Variants in MAP3K5 observed in about 807,000 individuals in gnomAD.
MAP3K5 encodes the protein ASK-1.
MAP3K5 carries 56 observed loss-of-function variants against 158.7 expected under a neutral mutation model. The ratio of observed to expected loss-of-function variants is 0.35; its 90% CI spans 0.28 to 0.44. MAP3K5 has a LOEUF of 0.44. Among genes scored for constraint, MAP3K5 ranks in the 20% least tolerant of loss-of-function variants. The pLI is 1.00. For synonymous variants in MAP3K5, 579 were observed against 601.7 expected (o/e 0.96, Z 0.55); for missense variants, 1,294 against 1,674.8 (o/e 0.77, Z 3.97).
At chr6:136,612,973 T>C in intron 17 of MAP3K5, 147 bp downstream of exon 17, 1 of 740,772 alleles carries the variant, frequency 1.3e-6, no homozygotes, top group Non-Finnish European at 2.1e-6. Flanking sequence ...TGATTCAGGG[T>C]TGAACGATAT....
intron 7 of MAP3K5, among the ~76,000 whole-genome samples, chr6:136,677,920 C>T (rs967867146): frequency 6.6e-6 from 1 of 152,200 alleles, no homozygotes; most frequent in Admixed American, 6.5e-5. Context: ...TGAGACATTT[C>T]AGGCATAATA....
chr6:136,654,448 T>C (rs1432612940), intron 10 of MAP3K5, among the ~76,000 whole-genome samples: 9 of 152,196 alleles, frequency 5.9e-5, no homozygotes, highest in Non-Finnish European at 1.3e-4. Flanking sequence ...TTTTGTTTTA[T>C]TTATTTATTT....
At chr6:136,627,951 G>T (rs1198913128) in intron 14 of MAP3K5, among the ~76,000 whole-genome samples, 1 of 152,124 alleles carries the variant, frequency 6.6e-6, no homozygotes, top group East Asian at 1.9e-4. Context: ...TTAGCATGTA[G>T]CTTGTAGTAG....
At position 136,626,528 on chromosome 6, in the gene MAP3K5, C is replaced by T. The variant is rs184365917; in HGVS notation, c.2017-3547G>A. ...GCTCTAACTCAGAGTTAAAACTGGG[C>T]TCCTGCGAGGAGACAGGAAGCATAA... On this transcript the variant is annotated intron_variant, in intron 14 of 29. Transcript: ENST00000359015. Among the ~76,000 whole-genome samples the T allele has an allele frequency of 8.1e-4, 123 of 152,282 alleles. 1 individual carries two copies. The highest frequency in any genetic ancestry group is 1.0e-3 in the Non-Finnish European group (71 of 68,024).
intron 21 of MAP3K5, chr6:136,592,889 A>T: frequency 2.0e-6 from 1 of 511,134 alleles, no homozygotes; most frequent in South Asian, 1.6e-5. Context: ...CAGTGGGTCT[A>T]CTGAGGGTCT....
intron 1 of MAP3K5, among the ~76,000 whole-genome samples, chr6:136,748,533 G>A (rs900777404): frequency 6.6e-6 from 1 of 152,048 alleles, no homozygotes; most frequent in South Asian, 2.1e-4. Context: ...AAAATATGGG[G>A]GAGTGTTCTT....
At chr6:136,695,077 G>A (rs1412650551) in intron 6 of MAP3K5, among the ~76,000 whole-genome samples, 1 of 152,128 alleles carries the variant, frequency 6.6e-6, no homozygotes, top group African/African-American at 2.4e-5. Flanking sequence ...CTGCTAATGG[G>A]TACAGGGTTT....
At chr6:136,700,089 A>G (rs1780780628) in intron 3 of MAP3K5, among the ~76,000 whole-genome samples, 1 of 152,118 alleles carries the variant, frequency 6.6e-6, no homozygotes, top group East Asian at 1.9e-4. Flanking sequence ...CGAAAGAATG[A>G]ACAAATGAAA....
intron 4 of MAP3K5, 26 bp from the exon 5 acceptor site, chr6:136,697,413 G>C: frequency 6.4e-7 from 1 of 1,555,000 alleles, no homozygotes; most frequent in Non-Finnish European, 8.7e-7. Flanking sequence ...ACATTTCAAA[G>C]AGTTTGACAT....
At chr6:136,760,345 C>A (rs1231552470) in intron 1 of MAP3K5, among the ~76,000 whole-genome samples, 1 of 152,108 alleles carries the variant, frequency 6.6e-6, no homozygotes, top group Non-Finnish European at 1.5e-5. Context: ...AATCTCAAGG[C>A]ACATGCCATC....
intron 11 of MAP3K5, among the ~76,000 whole-genome samples, chr6:136,647,267 C>T (rs1778304193): frequency 6.6e-6 from 1 of 152,202 alleles, no homozygotes; most frequent in Admixed American, 6.5e-5. Context: ...TGTTCCAAGC[C>T]ACTTAGCACT....
chr6:136,650,898 C>CA, intron 11 of MAP3K5, 86 bp downstream of exon 11: 1 of 727,420 alleles, frequency 1.4e-6, no homozygotes, highest in Non-Finnish European at 2.3e-6. Flanking sequence ...TTAACTAACA[C>CA]AGACATTTGC....
chr6:136,652,868 G>A (rs977404796), intron 10 of MAP3K5, among the ~76,000 whole-genome samples: 2 of 152,196 alleles, frequency 1.3e-5, no homozygotes, highest in African/African-American at 2.4e-5. Context: ...TGTGAGAAAT[G>A]CATAGCACAC....
At position 136,738,315 on chromosome 6, in the gene MAP3K5, C is replaced by A. The variant is rs942411999; in HGVS notation, c.449-17726G>T. Among the ~76,000 whole-genome samples the A allele has an allele frequency of 2.2e-4, 33 of 152,258 alleles. No individual in the cohort carries two copies. The East Asian group carries it at 6.2e-3, about 29-fold the overall frequency. On this transcript the variant is annotated intron_variant, in intron 1 of 29. Transcript: ENST00000359015. Reference sequence around the variant, plus strand: ...GGGGAGTTTCGGTACCTCTTCCTGGCAAAGCTCTCTCTACTTGAGACCTTA... The same window carrying A: ...GGGGAGTTTCGGTACCTCTTCCTGGAAAAGCTCTCTCTACTTGAGACCTTA...
chr6:136,715,691 G>A (rs1048053785), intron 2 of MAP3K5, among the ~76,000 whole-genome samples: 11 of 152,080 alleles, frequency 7.2e-5, no homozygotes, highest in Admixed American at 2.6e-4. Context: ...ATTGACGTCT[G>A]AAGCACTAAC....
chr6:136,706,572 A>C (rs759319274), intron 2 of MAP3K5, among the ~76,000 whole-genome samples: 1 of 152,142 alleles, frequency 6.6e-6, no homozygotes, highest in Admixed American at 6.5e-5. Flanking sequence ...CAGAAATAGT[A>C]AGGCATTTGT....
chr6:136,607,618 T>A (rs1018214510), intron 18 of MAP3K5, among the ~76,000 whole-genome samples: 2 of 152,342 alleles, frequency 1.3e-5, no homozygotes, highest in East Asian at 3.9e-4. Context: ...AAAGTTTTTT[T>A]AAAAAATTGC....
At chr6:136,619,018 G>A (rs975297146) in intron 15 of MAP3K5, among the ~76,000 whole-genome samples, 1 of 152,206 alleles carries the variant, frequency 6.6e-6, no homozygotes, top group Non-Finnish European at 1.5e-5. Context: ...AGTATACTGG[G>A]CAGTTCTGGG....
intron 7 of MAP3K5, among the ~76,000 whole-genome samples, chr6:136,676,496 T>C (rs983894887): frequency 6.6e-6 from 1 of 152,224 alleles, no homozygotes; most frequent in Non-Finnish European, 1.5e-5. Context: ...GTTCACGACT[T>C]CAATAAAAAT....
Sources: gnomAD v4.1 joint callset for allele counts (sites outside exome capture counted in the v4.1 genomes callset) on GRCh38, gnomAD v4.1.1 for gene constraint, MANE v1.5 for transcripts, NCBI Gene and HGNC (gene_info 2026-07-23, HGNC 2026-07-21) for gene names.